KCNMA1: variants seen among roughly 807,000 people sequenced by gnomAD.
The protein encoded by KCNMA1 is potassium calcium-activated channel subfamily M alpha 1.
KCNMA1 carries 29 observed loss-of-function variants against 140.0 expected under a neutral mutation model. The observed-to-expected ratio is 0.21, with a 90% CI of 0.15 to 0.28. The LOEUF is 0.28. KCNMA1 is among the 10% of genes least tolerant of loss of function. KCNMA1 has a pLI of 1.00. For synonymous variants in KCNMA1, 612 were observed against 611.9 expected (o/e 1.00, Z 0.00); for missense variants, 880 against 1,602.2 (o/e 0.55, Z 7.70).
chr10:76,965,057 G>A (rs2073327368), intron 20 of KCNMA1, among the ~76,000 whole-genome samples: 1 of 152,042 alleles, frequency 6.6e-6, no homozygotes, highest in Non-Finnish European at 1.5e-5. Context: ...TTATAGGGTT[G>A]GTAAGGCCCC....
intron 1 of KCNMA1, among the ~76,000 whole-genome samples, chr10:77,511,464 G>A (rs1023310914): frequency 2.0e-5 from 3 of 152,164 alleles, no homozygotes; most frequent in African/African-American, 7.2e-5. Context: ...AAAAGAGCAC[G>A]TTTGCAAGTC....
At chr10:77,448,954 G>A (rs1034449631) in intron 1 of KCNMA1, among the ~76,000 whole-genome samples, 2 of 152,040 alleles carry the variant, frequency 1.3e-5, no homozygotes, top group African/African-American at 4.8e-5. Context: ...AGGCGTAGTG[G>A]TGCATGCCTG....
chr10:77,517,816 G>T (rs1210515294), intron 1 of KCNMA1, among the ~76,000 whole-genome samples: 1 of 152,088 alleles, frequency 6.6e-6, no homozygotes, highest in African/African-American at 2.4e-5. Context: ...GAAAAACACA[G>T]GTAAAGTACT....
At chr10:77,605,797 G>T (rs934057200) in intron 1 of KCNMA1, among the ~76,000 whole-genome samples, 2 of 152,210 alleles carry the variant, frequency 1.3e-5, no homozygotes, top group African/African-American at 2.4e-5. Context: ...GCTCACACTT[G>T]GTAGGTGCTT....
At chr10:77,125,258 A>G (rs930132578) in intron 5 of KCNMA1, among the ~76,000 whole-genome samples, 1 of 152,156 alleles carries the variant, frequency 6.6e-6, no homozygotes, top group African/African-American at 2.4e-5. Flanking sequence ...CCCATTCCAC[A>G]CAGAGTAAAA....
chr10:77,038,786 T>C (rs1172177052), intron 15 of KCNMA1, among the ~76,000 whole-genome samples: 1 of 152,142 alleles, frequency 6.6e-6, no homozygotes, highest in Non-Finnish European at 1.5e-5. Flanking sequence ...AGTGATCCTC[T>C]CACCTCAGCT....
chr10:77,475,896 C>T (rs939267887), intron 1 of KCNMA1, among the ~76,000 whole-genome samples: 1 of 152,182 alleles, frequency 6.6e-6, no homozygotes, highest in Non-Finnish European at 1.5e-5. Flanking sequence ...GAGGCTCTGG[C>T]TGGACTAAAA....
At position 77,101,424 on chromosome 10, in the gene KCNMA1, T is replaced by C. The variant is rs983057813; in HGVS notation, c.1223+7057A>G. On this transcript the variant is annotated intron_variant, in intron 9 of 27. Coordinates refer to ENST00000286628, the MANE Select transcript of KCNMA1 (RefSeq NM_001161352.2). ...GTCAACTTGAATTATCTATTTGTCT[T>C]CTTATTTACTGTATCTGTCTGTCTA... Among the ~76,000 whole-genome samples the C allele has an allele frequency of 5.9e-5, 9 of 152,218 alleles. No homozygotes were observed. In the South Asian group the frequency reaches 8.3e-4, roughly 14 times the overall value.
chr10:77,213,203 C>T, intron 3 of KCNMA1, among the ~76,000 whole-genome samples: 1 of 151,920 alleles, frequency 6.6e-6, no homozygotes, highest in East Asian at 1.9e-4. Flanking sequence ...GGGTACTCTG[C>T]AACGAGCAAA....
intron 23 of KCNMA1, among the ~76,000 whole-genome samples, chr10:76,935,793 C>T (rs1258416623): frequency 3.9e-5 from 6 of 152,156 alleles, no homozygotes; most frequent in Admixed American, 2.0e-4. Flanking sequence ...TGTCACAAGC[C>T]GGGCACAGCC....
chr10:76,903,335 GC>G (rs2046375469), intron 25 of KCNMA1: 1 of 152,276 alleles, frequency 6.6e-6, no homozygotes, highest in Non-Finnish European at 1.5e-5. Flanking sequence ...ATGGCTCTCT[GC>G]CTTTCGTTTA....
At chr10:77,233,918 C>T (rs535131672) in intron 3 of KCNMA1, among the ~76,000 whole-genome samples, 2 of 152,278 alleles carry the variant, frequency 1.3e-5, no homozygotes, top group East Asian at 3.9e-4. Context: ...TTACAAGTGG[C>T]ACCCCGAACA....
At chr10:77,375,396 C>T (rs1249599015) in intron 2 of KCNMA1, among the ~76,000 whole-genome samples, 4 of 152,216 alleles carry the variant, frequency 2.6e-5, no homozygotes. Flanking sequence ...CAGAACCTCA[C>T]TTTCTTCTTC....
At chr10:76,926,777 A>C (rs954858618) in intron 23 of KCNMA1, among the ~76,000 whole-genome samples, 31 of 152,316 alleles carry the variant, frequency 2.0e-4, no homozygotes, top group African/African-American at 5.3e-4. Flanking sequence ...CCTCTCTTCC[A>C]GAATCCTATC....
chr10:77,123,800 T>C (rs1054162038), intron 5 of KCNMA1, among the ~76,000 whole-genome samples: 4 of 152,202 alleles, frequency 2.6e-5, no homozygotes, highest in African/African-American at 9.7e-5. Flanking sequence ...AGCATCACTA[T>C]ACTTGCGCTT....
chr10:76,897,389 A>T (rs2043042262), intron 25 of KCNMA1, among the ~76,000 whole-genome samples: 1 of 152,006 alleles, frequency 6.6e-6, no homozygotes, highest in Non-Finnish European at 1.5e-5. Flanking sequence ...GACCTAAAAC[A>T]ATGCTGTAAG....
chr10:77,578,011 C>T (rs2074755314), intron 1 of KCNMA1, among the ~76,000 whole-genome samples: 1 of 152,220 alleles, frequency 6.6e-6, no homozygotes, highest in Admixed American at 6.5e-5. Flanking sequence ...CAAAGCTCCC[C>T]TAGGACTGGA....
chr10:77,015,759 A>T (rs1342704196), intron 17 of KCNMA1, among the ~76,000 whole-genome samples: 2 of 151,848 alleles, frequency 1.3e-5, no homozygotes, highest in Non-Finnish European at 2.9e-5. Flanking sequence ...TTCATCCTTC[A>T]TTCCTCTTTT....
chr10:77,595,804 A>G lies in KCNMA1; in HGVS notation c.378+41461T>C, dbSNP rs1056177223. Among the ~76,000 whole-genome samples the G allele has an allele frequency of 3.3e-5, 5 of 152,150 alleles. No individual in the cohort carries two copies. In the South Asian group the frequency reaches 6.2e-4, roughly 19 times the overall value. On this transcript the variant is annotated intron_variant, in intron 1 of 27. Coordinates refer to ENST00000286628, the MANE Select transcript of KCNMA1 (RefSeq NM_001161352.2). ...GCTGGGACTACAGGTGCGCGCCATC[A>G]TGCCCGGCTAATTTTTATATTTTTA...
Sources: allele counts gnomAD v4.1 joint callset (sites outside exome capture counted in the v4.1 genomes callset), GRCh38; gene constraint gnomAD v4.1.1; transcripts MANE v1.5; gene names NCBI Gene and HGNC (gene_info 2026-07-23, HGNC 2026-07-21).